SESTD1: variants seen among roughly 807,000 people sequenced by gnomAD.
The protein encoded by SESTD1 is SEC14 and spectrin domain containing 1, also known as SEC14 domain and spectrin repeat-containing protein 1.
Under a neutral mutation model 101.7 loss-of-function variants are expected in SESTD1, and 43 were observed. That is an observed-to-expected ratio of 0.42 (90% CI 0.33 to 0.55). The LOEUF (loss-of-function observed/expected upper bound fraction) is 0.55. Among genes scored for constraint, SESTD1 ranks in the 20% least tolerant of loss-of-function variants. SESTD1 has a pLI of 0.07. For synonymous variants in SESTD1, 283 were observed against 286.8 expected, an observed-to-expected ratio of 0.99 and a Z score of 0.13; for missense variants, 647 against 815.1, an observed-to-expected ratio of 0.79 and a Z score of 2.51.
At chr2:179,178,157 C>T (rs1290410193) in intron 3 of SESTD1, among the ~76,000 whole-genome samples, 4 of 152,088 alleles carry the variant, frequency 2.6e-5, no homozygotes, top group African/African-American at 4.8e-5. Flanking sequence ...TAAAAATCAC[C>T]GAATTGTCTA....
intron 1 of SESTD1, among the ~76,000 whole-genome samples, chr2:179,239,548 C>A (rs926058454): frequency 3.9e-5 from 6 of 152,068 alleles, no homozygotes; most frequent in African/African-American, 1.4e-4. Context: ...ATGTGGGGAG[C>A]TTTTAAAAAA....
intron 5 of SESTD1, among the ~76,000 whole-genome samples, chr2:179,153,577 A>T (rs140102249): frequency 2.0e-5 from 3 of 152,322 alleles, no homozygotes; most frequent in African/African-American, 7.2e-5. Context: ...ATAATGACCA[A>T]TTTTGTAGAA....
chr2:179,240,890 G>A (rs1199551263), intron 1 of SESTD1, among the ~76,000 whole-genome samples: 3 of 152,088 alleles, frequency 2.0e-5, no homozygotes, highest in Non-Finnish European at 2.9e-5. Flanking sequence ...CACAAGGGGC[G>A]CTGTTAGAAT....
intron 1 of SESTD1, among the ~76,000 whole-genome samples, chr2:179,240,258 AGAT>A (rs1172787652): frequency 1.3e-5 from 2 of 152,240 alleles, no homozygotes; most frequent in Non-Finnish European, 2.9e-5. Context: ...GAAGAAACTT[AGAT>A]GATGATCTAC....
intron 2 of SESTD1, among the ~76,000 whole-genome samples, chr2:179,184,014 T>C (rs947135342): frequency 1.3e-5 from 2 of 152,032 alleles, no homozygotes; most frequent in African/African-American, 2.4e-5. Context: ...CAGACAGGCA[T>C]ATACTGTTCA....
At chr2:179,142,819 T>G (rs2105440498) in intron 9 of SESTD1, among the ~76,000 whole-genome samples, 1 of 152,322 alleles carries the variant, frequency 6.6e-6, no homozygotes, top group Admixed American at 6.5e-5. Flanking sequence ...CTTGTGACCC[T>G]TAACACTTTC....
In SESTD1 at chr2:179,151,368, T is replaced by A; in HGVS notation, c.393A>T (p.Lys131Asn). Residue 131 changes from lysine (K) to asparagine (N), a missense_variant, in exon 6 of 18, where the codon AAA (lysine) becomes AAT (asparagine). Transcript: ENST00000428443. ...GGCATGGTTCTATATAACGAGTCAA[T>A]TTGTTGGCGGACACTAAAATAACCT... The part of the protein sequence containing the change: ...GFEVILVSAN[K>N]LTRYIEPCQL... 1 of 1,603,230 alleles carries A rather than the reference T, an allele frequency of 6.2e-7. No individual in the cohort carries two copies. The highest frequency in any genetic ancestry group is 8.5e-7 in the Non-Finnish European group (1 of 1,175,740).
chr2:179,217,563 G>A (rs1316913114), intron 1 of SESTD1, among the ~76,000 whole-genome samples: 1 of 152,210 alleles, frequency 6.6e-6, no homozygotes, highest in Non-Finnish European at 1.5e-5. Flanking sequence ...GTGGAAGACA[G>A]TGTGGTGATT....
intron 1 of SESTD1, among the ~76,000 whole-genome samples, chr2:179,226,607 G>A (rs1291294013): frequency 6.6e-6 from 1 of 152,122 alleles, no homozygotes; most frequent in Non-Finnish European, 1.5e-5. Flanking sequence ...CAGATCTCCA[G>A]GTTAATAATC....
chr2:179,249,374 C>T (rs576440013), intron 1 of SESTD1, among the ~76,000 whole-genome samples: 3 of 151,984 alleles, frequency 2.0e-5, no homozygotes, highest in African/African-American at 4.8e-5. Context: ...ATACTAGCAA[C>T]GAACATATGA....
chr2:179,200,471 C>G (rs964192042), intron 1 of SESTD1, among the ~76,000 whole-genome samples: 3 of 145,186 alleles, frequency 2.1e-5, no homozygotes, highest in African/African-American at 7.9e-5. Flanking sequence ...CAAGTCAATC[C>G]TAAGCCAAAA....
At chr2:179,178,513 A>G (rs529187186) in intron 3 of SESTD1, among the ~76,000 whole-genome samples, 1 of 152,252 alleles carries the variant, frequency 6.6e-6, no homozygotes, top group East Asian at 1.9e-4. Context: ...CCTGACACAC[A>G]ATGACTATCT....
intron 3 of SESTD1, among the ~76,000 whole-genome samples, chr2:179,180,995 A>G (rs1456097796): frequency 6.6e-6 from 1 of 152,198 alleles, no homozygotes; most frequent in Non-Finnish European, 1.5e-5. Context: ...GTATCCAGGT[A>G]TCTATTTTGC....
Position 179,216,813 on chromosome 2 carries a change from C to T in SESTD1, c.-25-24947G>A, listed in dbSNP as rs1314811856. Among the ~76,000 whole-genome samples the T allele has an allele frequency of 1.5e-5, 2 of 134,336 alleles. 1 individual carries two copies. Among genetic ancestry groups the T allele is most frequent in the Non-Finnish European group, 3.2e-5 (2 of 62,586 alleles). 88.1% of individuals were successfully genotyped at this position (134,336 alleles called of 152,430 possible). On this transcript the variant is annotated intron_variant, in intron 1 of 17. Transcript: ENST00000428443. ...CAGACCAGTGGAACAGAACAGAGGCCTCAGAAATAACACCACACATCTACA... is the reference window on the plus strand; with the variant it reads ...CAGACCAGTGGAACAGAACAGAGGCTTCAGAAATAACACCACACATCTACA...
chr2:179,218,110 C>A (rs1177670057), intron 1 of SESTD1, among the ~76,000 whole-genome samples: 2 of 151,948 alleles, frequency 1.3e-5, no homozygotes, highest in African/African-American at 4.8e-5. Flanking sequence ...GCACATGTAC[C>A]CTAGAACTTA....
chr2:179,154,057 A>G (rs1197800436), intron 5 of SESTD1, among the ~76,000 whole-genome samples: 1 of 146,612 alleles, frequency 6.8e-6, no homozygotes, highest in Non-Finnish European at 1.5e-5. Context: ...CAGCCTGGGT[A>G]ATGTAAGAAA....
chr2:179,184,775 C>CA (rs1174254261), intron 2 of SESTD1, among the ~76,000 whole-genome samples: 1 of 152,032 alleles, frequency 6.6e-6, no homozygotes, highest in African/African-American at 2.4e-5. Flanking sequence ...AGCCAAGCCC[C>CA]AAAAAAGGCT....
In SESTD1 at chr2:179,143,747, C is replaced by T. The variant is rs1160918972; in HGVS notation, c.694G>A (p.Val232Ile). ...QRRFNGSDGG[V>I]SWSPMDDELL... ...TCATCATCCATAGGAGACCATGAAACCCCTCCGTCTGAGCCATTAAATCGA... is the reference window on the plus strand; with the variant it reads ...TCATCATCCATAGGAGACCATGAAATCCCTCCGTCTGAGCCATTAAATCGA... The change falls in exon 9 of 18, where the codon GTT becomes ATT. Residue 232 changes from valine (V) to isoleucine (I), a missense_variant. Physicochemically the swap from Val to Ile is conservative, Grantham distance 29. This residue lies in a region of SESTD1 where 476 missense variants were observed against 562.6 expected (regional missense o/e 0.85). Coordinates refer to ENST00000428443, the MANE Select transcript of SESTD1 (RefSeq NM_178123.5). 5 of 1,613,854 alleles carry T rather than the reference C, an allele frequency of 3.1e-6. No homozygotes were observed. The highest frequency in any genetic ancestry group is 2.7e-5 in the African/African-American group (2 of 74,892).
intron 16 of SESTD1, 60 bp from the exon 17 acceptor site, chr2:179,112,905 G>T: frequency 7.2e-6 from 11 of 1,526,630 alleles, no homozygotes; most frequent in Non-Finnish European, 9.6e-6. Context: ...CAGTTTCAGA[G>T]GATCACCCCA....
Sources: gnomAD v4.1 joint callset for allele counts (sites outside exome capture counted in the v4.1 genomes callset) on GRCh38, gnomAD v4.1.1 for gene constraint, gnomAD v4.1.1 regional missense constraint, MANE v1.5 for transcripts, NCBI Gene and HGNC (gene_info 2026-07-23, HGNC 2026-07-21) for gene names.